Variants in UNG observed in about 807,000 individuals in gnomAD.
UNG encodes uracil-DNA glycosylase.
A neutral mutation model predicts 36.5 loss-of-function variants in UNG; 34 were observed. The ratio of observed to expected loss-of-function variants is 0.93; its 90% CI spans 0.71 to 1.24. The LOEUF is 1.24. Ranked by LOEUF, UNG falls within the 50% of genes most tolerant of loss-of-function variation. UNG has a pLI of 0.00. For missense variants in UNG, 391 were observed against 397.6 expected, an observed-to-expected ratio of 0.98 and a Z score of 0.14; for synonymous variants, 172 against 157.8, an observed-to-expected ratio of 1.09 and a Z score of -0.67.
intron 6 of UNG, among the ~76,000 whole-genome samples, chr12:109,106,081 G>T (rs1427921656): frequency 6.6e-6 from 1 of 152,164 alleles, no homozygotes; most frequent in Non-Finnish European, 1.5e-5. Context: ...ATTCTTTAGA[G>T]CTCTGCAGGG....
At chr12:109,099,307 T>C (rs1343585582) in intron 3 of UNG, 23 bp downstream of exon 3, 1 of 1,596,380 alleles carries the variant, frequency 6.3e-7, no homozygotes, top group Non-Finnish European at 8.6e-7. Flanking sequence ...TGTTGATAAT[T>C]TTTATTGGGG....
In UNG at chr12:109,105,623, C is replaced by T. The variant is rs3219254; in HGVS notation, c.801+2012C>T. On this transcript the variant is annotated intron_variant, in intron 6 of 6. Coordinates refer to ENST00000242576, the MANE Select transcript of UNG (RefSeq NM_080911.3). The stretch of plus-strand genomic sequence containing the variant: ...CATCCATGCTTCACTAAACTTCCTC[C>T]TCTGCACTCCCTAGCAGCAAAAAGC... Among the ~76,000 whole-genome samples the T allele has an allele frequency of 4.6e-3, 705 of 152,348 alleles. 4 individuals are homozygous for T. Among genetic ancestry groups the T allele is most frequent in the Non-Finnish European group, 6.4e-3 (434 of 68,030 alleles).
At chr12:109,107,670 C>T (rs1330053581) in intron 6 of UNG, among the ~76,000 whole-genome samples, 1 of 151,834 alleles carries the variant, frequency 6.6e-6, no homozygotes, top group African/African-American at 2.4e-5. Context: ...GGATTACAGG[C>T]ATGTACCACC....
chr12:109,098,240 C>T (rs1566119625), intron 1 of UNG, 192 bp from the exon 2 acceptor site: 11 of 1,494,712 alleles, frequency 7.4e-6, no homozygotes, highest in Non-Finnish European at 9.7e-6. Context: ...CGTCTCCCCG[C>T]TCCAGTTTAG....
At chr12:109,098,081 A>G (rs2042145298) in intron 1 of UNG, 4 of 1,373,306 alleles carry the variant, frequency 2.9e-6, no homozygotes, top group South Asian at 1.8e-5. Context: ...ATCAGAGGGG[A>G]GAGGGGGCGG....
chr12:109,109,411 G>A lies in UNG; in HGVS notation c.802-418G>A, dbSNP rs144459888. The stretch of plus-strand genomic sequence containing the variant: ...TGCTGAATGCTCCACTTTGGAAGGG[G>A]GAGAATTTAGAGGGCAAAGGGGAAT... On this transcript the variant is annotated intron_variant, in intron 6 of 6. Coordinates refer to ENST00000242576, the MANE Select transcript of UNG (RefSeq NM_080911.3). 2.9e-4 allele frequency among the ~76,000 whole-genome samples: 44 copies of A among 152,058 alleles called. 1 individual carries two copies. Among genetic ancestry groups the A allele is most frequent in the African/African-American group, 8.7e-4 (36 of 41,480 alleles).
chr12:109,100,677 C>T (rs867280392), intron 3 of UNG, among the ~76,000 whole-genome samples: 1 of 152,154 alleles, frequency 6.6e-6, no homozygotes, highest in African/African-American at 2.4e-5. Flanking sequence ...CAGTTTCAAA[C>T]CTATGAGGAT....
chr12:109,108,317 GT>G (rs888133245), intron 6 of UNG, among the ~76,000 whole-genome samples: 1 of 150,984 alleles, frequency 6.6e-6, no homozygotes, highest in African/African-American at 2.4e-5. Context: ...CTCACACGTT[GT>G]TTTTTTTTCT....
In UNG at chr12:109,109,864, C is replaced by A; in HGVS notation, c.837C>A (p.Ser279=). ...RHHVLQTAHP[S]PLSVYRGFFG... is the part of the protein sequence containing the mutation. ...ATGTACTACAGACGGCTCATCCCTC[C>A]CCTTTGTCAGTGTATAGAGGGTTCT... The change falls in exon 7 of 7, where the codon TCC becomes TCA. Residue 279 remains serine (S), a synonymous_variant. Transcript: ENST00000242576. The A allele has an allele frequency of 2.5e-6, 4 of 1,614,104 alleles. No individual in the cohort carries two copies. The highest frequency in any genetic ancestry group is 3.4e-6 in the Non-Finnish European group (4 of 1,180,034).
In UNG at chr12:109,103,730, T is replaced by A; in HGVS notation, c.801+119T>A. 5.0e-6 allele frequency: 6 copies of A among 1,201,336 alleles called. No individual in the cohort carries two copies. In the South Asian group the frequency reaches 7.1e-5, roughly 14 times the overall value. 74.4% of individuals were successfully genotyped at this position (1,201,336 alleles called of 1,614,324 possible). A position where few individuals can be genotyped will look rare whatever the true frequency, so the allele number is the denominator to read the frequency against. On this transcript the variant is annotated intron_variant, in intron 6 of 6. Coordinates refer to ENST00000242576, the MANE Select transcript of UNG (RefSeq NM_080911.3). ...GAAAATCCATGTTATAAAATAACTT[T>A]TATTTTCCCTTAGGCCTGTTATAAG...
rs754530001 is a variant in UNG at position 109,098,554 on chromosome 12, C to T, written c.255C>T (p.Leu85=). The change falls in exon 2 of 7, where the codon CTC becomes CTT. Residue 85 remains leucine (L), a synonymous_variant. Coordinates refer to ENST00000242576, the MANE Select transcript of UNG (RefSeq NM_080911.3). The stretch of plus-strand genomic sequence containing the variant: ...ACAAGGCCGCGGCCCTGCTCAGACT[C>T]GCGGCCCGCAACGTGCCCGTGGGCT... ...QRNKAAALLR[L]AARNVPVGFG... is the part of the protein sequence containing the mutation. 3 of 1,613,082 alleles carry T rather than the reference C, an allele frequency of 1.9e-6. No homozygotes were observed. The highest frequency in any genetic ancestry group is 2.7e-5 in the African/African-American group (2 of 74,920).
At chr12:109,103,744 G>C (rs898270457) in intron 6 of UNG, 133 bp downstream of exon 6, 6 of 1,089,780 alleles carry the variant, frequency 5.5e-6, no homozygotes, top group Non-Finnish European at 7.8e-6. Context: ...TTTCCCTTAG[G>C]CCTGTTATAA....
Position 109,097,812 on chromosome 12 carries a change from G to A in UNG, c.132+1G>A, listed in dbSNP as rs748974541. 1.1e-5 allele frequency: 17 copies of A among 1,541,626 alleles called. No individual in the cohort carries two copies. The highest frequency in any genetic ancestry group is 1.5e-5 in the Non-Finnish European group (17 of 1,141,126). The stretch of plus-strand genomic sequence containing the variant: ...GCCTGAGGAAAGCGGAGATGCGGCG[G>A]TGAGGCGCGGCTTGGGCCGGGGCTA... On this transcript the variant is annotated splice_donor_variant, in intron 1 of 6. Transcript: ENST00000242576. LOFTEE classifies it high-confidence loss of function.
At position 109,103,486 on chromosome 12, in the gene UNG, CAT is replaced by C; in HGVS notation, c.678_679del (p.His226GlnfsTer10). 6.2e-7 allele frequency: 1 copy of C among 1,614,204 alleles called. No individual in the cohort carries two copies. Among genetic ancestry groups the C allele is most frequent in the Non-Finnish European group, 8.5e-7 (1 of 1,180,022 alleles). On this transcript the variant is annotated frameshift_variant, in exon 6 of 7. Coordinates refer to ENST00000242576, the MANE Select transcript of UNG (RefSeq NM_080911.3). LOFTEE classifies it high-confidence loss of function. ...GGTTCGTGCCCATCAAGCCAACTCTCATAAGGAGCGAGGCTGGGAGCAGTTCA... is the reference window on the plus strand; with the variant it reads ...GGTTCGTGCCCATCAAGCCAACTCTCAAGGAGCGAGGCTGGGAGCAGTTCA... The part of the protein sequence containing the change: ...LTVRAHQANS[H>X]KERGWEQFTD...
intron 6 of UNG, among the ~76,000 whole-genome samples, chr12:109,104,582 T>A (rs1415408168): frequency 6.6e-6 from 1 of 152,114 alleles, no homozygotes; most frequent in Non-Finnish European, 1.5e-5. Context: ...GTCTACTGCT[T>A]CTCATTCGCC....
rs867171362 is a variant in UNG at position 109,097,673 on chromosome 12, C to T, written c.-7C>T. ...TGGCGCGCGTTCGCTGCCTCCTCAG[C>T]TCCAGGATGATCGGCCAGAAGACGC... On this transcript the variant is annotated 5_prime_UTR_variant, in exon 1 of 7. Transcript: ENST00000242576. 1.7e-5 allele frequency: 28 copies of T among 1,604,984 alleles called. No homozygotes were observed. The Middle Eastern group carries it at 4.6e-3, about 265-fold the overall frequency.
chr12:109,105,905 G>C (rs1299600364), intron 6 of UNG, among the ~76,000 whole-genome samples: 1 of 152,218 alleles, frequency 6.6e-6, no homozygotes, highest in African/African-American at 2.4e-5. Context: ...TTTCAGGGGG[G>C]TAGAGGGGTG....
chr12:109,110,628 A>C lies in UNG; in HGVS notation c.*659A>C, dbSNP rs2042253933. On this transcript the variant is annotated 3_prime_UTR_variant, in exon 7 of 7. Coordinates refer to ENST00000242576, the MANE Select transcript of UNG (RefSeq NM_080911.3). ...TTATTCCTTGGGTGTTGGTGGAATA[A>C]GCAGTGGAATTTGAACAAGGAAGAG... The C allele has an allele frequency of 6.5e-6, 1 of 153,144 alleles. No individual in the cohort carries two copies. The highest frequency in any genetic ancestry group is 2.4e-5 in the African/African-American group (1 of 41,330). 9.5% of individuals were successfully genotyped at this position (153,144 alleles called of 1,614,324 possible).
rs777944770 is a variant in UNG, at chr12:109,102,472, GA to G, written c.534-353del. ...TAGCCTGGGTGACACAGCAAGACTGGAAAAAAAAAAAAAAGAACCACTGCTT... is the reference window on the plus strand; with the variant it reads ...TAGCCTGGGTGACACAGCAAGACTGGAAAAAAAAAAAAAGAACCACTGCTT... On this transcript the variant is annotated intron_variant, in intron 4 of 6. Transcript: ENST00000242576. Among the ~76,000 whole-genome samples, 511 of 135,404 alleles carry G rather than the reference GA, an allele frequency of 3.8e-3. 1 individual carries two copies. The highest frequency in any genetic ancestry group is 5.5e-3 in the East Asian group (26 of 4,714). 88.8% of individuals were successfully genotyped at this position (135,404 alleles called of 152,430 possible). A position where few individuals can be genotyped will look rare whatever the true frequency, so the allele number is the denominator to read the frequency against.
Sources: allele counts gnomAD v4.1 joint callset (sites outside exome capture counted in the v4.1 genomes callset), GRCh38; gene constraint gnomAD v4.1.1; transcripts MANE v1.5; gene names NCBI Gene and HGNC (gene_info 2026-07-23, HGNC 2026-07-21).